The following DMD variants were observed in gnomAD, a reference collection of about 807,000 sequenced individuals.
DMD encodes the protein dystrophin.
DMD carries 63 observed loss-of-function variants against 330.1 expected under a neutral mutation model. That is an observed-to-expected ratio of 0.19 (90% CI 0.16 to 0.24). DMD has a LOEUF of 0.24. DMD is among the 10% of genes least tolerant of loss of function. The probability of loss-of-function intolerance (pLI) is 1.00; values close to 1 mark genes in which losing one functional copy is unlikely to be tolerated. For synonymous variants in DMD, 1,223 were observed against 959.8 expected, an observed-to-expected ratio of 1.27 and a Z score of -5.07; for missense variants, 3,344 against 2,684.1, an observed-to-expected ratio of 1.25 and a Z score of -5.43.
intron 9 of DMD, among the ~76,000 whole-genome samples, chrX:32,653,811 G>A (rs1002078515): frequency 8.9e-6 from 1 of 111,809 alleles, no homozygotes; most frequent in African/African-American, 3.2e-5. Flanking sequence ...TCTTCCATTT[G>A]TTTGTGTCCT....
intron 2 of DMD, among the ~76,000 whole-genome samples, chrX:32,968,689 G>A (rs1425333437): frequency 9.1e-6 from 1 of 109,987 alleles, no homozygotes; most frequent in Non-Finnish European, 1.9e-5. Context: ...GAGGTGATTA[G>A]GTCACGAGGA....
At chrX:31,136,367 T>G (rs765897955) in intron 76 of DMD, among the ~76,000 whole-genome samples, 2 of 112,270 alleles carry the variant, frequency 1.8e-5, no homozygotes, top group Non-Finnish European at 3.8e-5. Context: ...TTCATTTTTC[T>G]TGCGGTTTTA....
At chrX:32,006,832 G>A (rs2095664797) in intron 44 of DMD, among the ~76,000 whole-genome samples, 1 of 109,747 alleles carries the variant, frequency 9.1e-6, no homozygotes, top group Non-Finnish European at 1.9e-5. Flanking sequence ...GTCCAACAAT[G>A]ATAGACTGGA....
At chrX:32,229,713 T>TATATATATAA (rs1557226000) in intron 43 of DMD, among the ~76,000 whole-genome samples, 5 of 81,880 alleles carry the variant, frequency 6.1e-5, no homozygotes, top group African/African-American at 2.3e-4. Flanking sequence ...TATATATATA[T>TATATATATAA]ATATATATAT....
intron 12 of DMD, among the ~76,000 whole-genome samples, chrX:32,609,224 T>A (rs1390826324): frequency 3.6e-5 from 4 of 110,941 alleles, no homozygotes; most frequent in African/African-American, 1.3e-4. Flanking sequence ...TTCAGCAATA[T>A]CCTCTTAACA....
intron 44 of DMD, among the ~76,000 whole-genome samples, chrX:32,039,098 G>T (rs2095977053): frequency 9.0e-6 from 1 of 111,380 alleles, no homozygotes; most frequent in Admixed American, 9.6e-5. Flanking sequence ...TCCTTACAGG[G>T]TGAATAATGG....
At chrX:33,177,246 C>CA (rs1361950979) in intron 1 of DMD, among the ~76,000 whole-genome samples, 1 of 112,139 alleles carries the variant, frequency 8.9e-6, no homozygotes, top group Non-Finnish European at 1.9e-5. Flanking sequence ...CTGTGGGCAA[C>CA]AAGCACTCCC....
chrX:32,168,102 G>GCC (rs2147320819), intron 44 of DMD, among the ~76,000 whole-genome samples: 1 of 112,134 alleles, frequency 8.9e-6, no homozygotes, highest in South Asian at 3.7e-4. Context: ...AGACCGTGCT[G>GCC]CCCAAAGGAT....
At chrX:31,898,514 G>A (rs1391234807) in intron 47 of DMD, among the ~76,000 whole-genome samples, 3 of 111,354 alleles carry the variant, frequency 2.7e-5, no homozygotes, top group African/African-American at 6.5e-5. Flanking sequence ...AACAAGCAAT[G>A]GGGAAAGGAT....
rs181399181 is a variant in DMD, at chrX:32,565,884, G to T, written c.1813-3C>A. 43 of 1,203,693 alleles carry T rather than the reference G, an allele frequency of 3.6e-5. No homozygotes were observed. The East Asian group carries it at 1.1e-3, about 32-fold the overall frequency. ...TTTTCTAGATCCGCTTTTAAAACCT[G>T]TTAAAACAAGAAAGATCACAGAATA... On this transcript the variant is annotated splice_polypyrimidine_tract_variant and splice_region_variant and intron_variant, in intron 15 of 78. Transcript: ENST00000357033.
chrX:32,573,401 T>C, intron 15 of DMD, 129 bp downstream of exon 15: 1 of 560,817 alleles, frequency 1.8e-6, no homozygotes, highest in Non-Finnish European at 2.9e-6. Flanking sequence ...CAATATAACA[T>C]CTTTGAATAA....
At chrX:33,273,787 A>G (rs1162839255) in intron 1 of DMD, among the ~76,000 whole-genome samples, 1 of 112,505 alleles carries the variant, frequency 8.9e-6, no homozygotes, top group Non-Finnish European at 1.9e-5. Context: ...AGTAATATGC[A>G]TGGCCTGCCC....
At chrX:31,668,205 A>T (rs1011648288) in intron 53 of DMD, among the ~76,000 whole-genome samples, 30 of 111,592 alleles carry the variant, frequency 2.7e-4, no homozygotes, top group African/African-American at 9.4e-4. Flanking sequence ...ATTTTTACCC[A>T]TTCTGAGGAT....
chrX:32,961,148 G>A (rs1403300614), intron 2 of DMD, among the ~76,000 whole-genome samples: 2 of 110,840 alleles, frequency 1.8e-5, no homozygotes, highest in African/African-American at 6.5e-5. Flanking sequence ...TTTTTGTTTC[G>A]TTTTGGTATG....
At chrX:32,393,676 G>C (rs1314481623) in intron 30 of DMD, among the ~76,000 whole-genome samples, 1 of 111,010 alleles carries the variant, frequency 9.0e-6, no homozygotes, top group Admixed American at 9.6e-5. Flanking sequence ...GAGGAAAGCA[G>C]AAAGAGAGAA....
intron 7 of DMD, among the ~76,000 whole-genome samples, chrX:32,776,576 C>G (rs2074171812): frequency 9.0e-6 from 1 of 110,637 alleles, no homozygotes; most frequent in Non-Finnish European, 1.9e-5. Context: ...GGAAGGCTGT[C>G]AAATACTTTT....
At chrX:33,325,984 A>G (rs2054083896) in intron 1 of DMD, among the ~76,000 whole-genome samples, 1 of 111,673 alleles carries the variant, frequency 9.0e-6, no homozygotes, top group African/African-American at 3.3e-5. Flanking sequence ...TAGGGTAACT[A>G]TCATACCATC....
intron 1 of DMD, among the ~76,000 whole-genome samples, chrX:33,307,675 C>A (rs1293070668): frequency 1.8e-5 from 2 of 111,131 alleles, no homozygotes; most frequent in Non-Finnish European, 3.8e-5. Context: ...GGTGACAGAG[C>A]GAGACTCCAT....
intron 67 of DMD, among the ~76,000 whole-genome samples, chrX:31,190,202 G>T (rs146883935): frequency 8.9e-6 from 1 of 111,871 alleles, no homozygotes; most frequent in Non-Finnish European, 1.9e-5. Flanking sequence ...TTTGGAATTA[G>T]AAATGAGGAT....
Sources: allele counts gnomAD v4.1 joint callset (sites outside exome capture counted in the v4.1 genomes callset), GRCh38; gene constraint gnomAD v4.1.1; transcripts MANE v1.5; gene names NCBI Gene and HGNC (gene_info 2026-07-23, HGNC 2026-07-21).